The following DAAM1 variants were observed in gnomAD, a reference collection of about 807,000 sequenced individuals.
The protein encoded by DAAM1 is dishevelled associated activator of morphogenesis 1, also known as disheveled-associated activator of morphogenesis 1.
A neutral mutation model predicts 130.0 loss-of-function variants in DAAM1; 52 were observed. The observed-to-expected ratio is 0.40, with a 90% confidence interval of 0.32 to 0.50. The LOEUF (loss-of-function observed/expected upper bound fraction) is 0.50. Among genes scored for constraint, DAAM1 ranks in the 20% least tolerant of loss-of-function variants. DAAM1 has a pLI of 0.61. For missense variants in DAAM1, 1,134 were observed against 1,303.8 expected, an observed-to-expected ratio of 0.87 and a Z score of 2.01; for synonymous variants, 452 against 444.5, an observed-to-expected ratio of 1.02 and a Z score of -0.21.
At chr14:59,302,302 T>C (rs1884203673) in intron 3 of DAAM1, among the ~76,000 whole-genome samples, 1 of 152,266 alleles carries the variant, frequency 6.6e-6, no homozygotes, top group African/African-American at 2.4e-5. Flanking sequence ...TTGTGTTCAC[T>C]TGTAATCCAA....
In DAAM1 at chr14:59,331,965, T is replaced by C. The variant is rs186554337; in HGVS notation, c.1968+45T>C. On this transcript the variant is annotated intron_variant, in intron 15 of 24. Coordinates refer to ENST00000360909, the MANE Select transcript of DAAM1 (RefSeq NM_001270520.2). ...AGACACCAAAAAGGTAGAAAAATCA[T>C]GTCTTATGCATGATCTCTGGCCCAT... is the stretch of plus-strand genomic sequence containing the variant. 79 of 1,521,702 alleles carry C rather than the reference T, an allele frequency of 5.2e-5. No individual in the cohort carries two copies. The African/African-American group carries it at 1.0e-3, about 20-fold the overall frequency. 94.3% of individuals were successfully genotyped at this position (1,521,702 alleles called of 1,614,324 possible). A position where few individuals can be genotyped will look rare whatever the true frequency, so the allele number is the denominator to read the frequency against.
At position 59,328,502 on chromosome 14, in the gene DAAM1, T is replaced by A. The variant is rs1885297651; in HGVS notation, c.1372+1511T>A. ...TTCATTCATTCGTTCATTCAGTGAA[T>A]ACCTGTTGAATGCCTGTATGTGTCA... On this transcript the variant is annotated intron_variant, in intron 12 of 24. Transcript: ENST00000360909. Among the ~76,000 whole-genome samples the A allele has an allele frequency of 2.0e-5, 3 of 152,310 alleles. No individual in the cohort carries two copies. In the South Asian group the frequency reaches 6.2e-4, roughly 32 times the overall value.
At chr14:59,266,691 G>A (rs1386230984) in intron 2 of DAAM1, among the ~76,000 whole-genome samples, 7 of 152,188 alleles carry the variant, frequency 4.6e-5, no homozygotes, top group Non-Finnish European at 1.0e-4. Flanking sequence ...GTAAGGGGTG[G>A]CCTGGCCAAG....
At chr14:59,281,198 G>A (rs1000676446) in intron 2 of DAAM1, among the ~76,000 whole-genome samples, 4 of 152,124 alleles carry the variant, frequency 2.6e-5, no homozygotes, top group African/African-American at 9.7e-5. Flanking sequence ...CTACCAGGAG[G>A]ACATATCAAA....
At chr14:59,225,019 GTTTTTT>G (rs869233694) in intron 1 of DAAM1, among the ~76,000 whole-genome samples, 6 of 90,808 alleles carry the variant, frequency 6.6e-5, no homozygotes, top group South Asian at 4.0e-4. Flanking sequence ...ATCTGTGTGG[GTTTTTT>G]TTTTTTTTTT....
chr14:59,248,632 T>G (rs1010023137), intron 1 of DAAM1, among the ~76,000 whole-genome samples: 1 of 152,180 alleles, frequency 6.6e-6, no homozygotes, highest in African/African-American at 2.4e-5. Flanking sequence ...TCAACACATG[T>G]GCTTTTGTGT....
At chr14:59,206,982 G>A (rs577276691) in intron 1 of DAAM1, among the ~76,000 whole-genome samples, 1 of 152,108 alleles carries the variant, frequency 6.6e-6, no homozygotes, top group East Asian at 1.9e-4. Context: ...TAGATAGTTG[G>A]TGCTAAAGAA....
At chr14:59,243,351 A>G (rs1881214004) in intron 1 of DAAM1, among the ~76,000 whole-genome samples, 1 of 151,994 alleles carries the variant, frequency 6.6e-6, no homozygotes, top group Non-Finnish European at 1.5e-5. Context: ...TGGTGCACAG[A>G]TCCTTTTTAG....
chr14:59,222,529 G>A (rs1399580223), intron 1 of DAAM1, among the ~76,000 whole-genome samples: 1 of 152,178 alleles, frequency 6.6e-6, no homozygotes, highest in Non-Finnish European at 1.5e-5. Flanking sequence ...AGCCAGGTCA[G>A]CCTTGGCGAG....
At chr14:59,348,998 A>G (rs17255666) in intron 17 of DAAM1, among the ~76,000 whole-genome samples, 4,217 of 152,328 alleles carry the variant, frequency 0.028, 69 homozygotes, top group Middle Eastern at 0.061. Flanking sequence ...TTCTCTGTGT[A>G]TGAACGGTTT....
At chr14:59,269,671 A>G (rs563762708) in intron 2 of DAAM1, among the ~76,000 whole-genome samples, 47 of 152,304 alleles carry the variant, frequency 3.1e-4, no homozygotes, top group African/African-American at 1.1e-3. Context: ...ACCTACCCCC[A>G]TGATTGCCTA....
chr14:59,322,115 C>T (rs1350250085), intron 5 of DAAM1, among the ~76,000 whole-genome samples: 1 of 152,074 alleles, frequency 6.6e-6, no homozygotes, highest in Non-Finnish European at 1.5e-5. Context: ...TGTAGATTAT[C>T]ATTTGTTCAA....
chr14:59,324,473 A>T lies in DAAM1; in HGVS notation c.989+19A>T. 2.0e-6 allele frequency: 3 copies of T among 1,502,348 alleles called. No homozygotes were observed. The South Asian group carries it at 4.2e-5, about 21-fold the overall frequency. The allele number at this position is 1,502,348 out of a possible 1,614,324, so 93.1% of individuals were successfully genotyped here. On this transcript the variant is annotated intron_variant, in intron 8 of 24. Transcript: ENST00000360909. ...TAGATAGGTAAGTCAGACTATTATG[A>T]TGTGAGAAAGTTTCTGTGTTTCCCA...
At chr14:59,205,816 C>A (rs532571700) in intron 1 of DAAM1, among the ~76,000 whole-genome samples, 1 of 152,224 alleles carries the variant, frequency 6.6e-6, no homozygotes, top group East Asian at 1.9e-4. Flanking sequence ...GGAAAAGATA[C>A]CCTTGGGATG....
chr14:59,352,446 A>G, intron 17 of DAAM1, 80 bp from the exon 18 acceptor site: 1 of 1,038,778 alleles, frequency 9.6e-7, no homozygotes, highest in Non-Finnish European at 1.4e-6. Flanking sequence ...ATCTTGGGAC[A>G]GATTAACTGA....
chr14:59,232,976 T>G (rs1889159901), intron 1 of DAAM1, among the ~76,000 whole-genome samples: 1 of 152,088 alleles, frequency 6.6e-6, no homozygotes, highest in African/African-American at 2.4e-5. Flanking sequence ...ATGAGCTCAT[T>G]CTTACGGCTG....
Position 59,295,057 on chromosome 14 carries a change from C to T in DAAM1, c.273+3751C>T, listed in dbSNP as rs1194712963. ...AAAAATACTTGTACCCCTTCTTGGG[C>T]TTCAGAGTTTGCCAAGTAAGTAAAT... On this transcript the variant is annotated intron_variant, in intron 3 of 24. Transcript: ENST00000360909. Among the ~76,000 whole-genome samples the T allele has an allele frequency of 2.6e-5, 4 of 152,284 alleles. No homozygotes were observed. The East Asian group carries it at 7.7e-4, about 29-fold the overall frequency.
intron 1 of DAAM1, among the ~76,000 whole-genome samples, chr14:59,244,334 A>G (rs558286802): frequency 1.3e-5 from 2 of 152,034 alleles, no homozygotes; most frequent in Admixed American, 6.5e-5. Context: ...CAAGCAGAAT[A>G]TTCACTCTTG....
intron 1 of DAAM1, among the ~76,000 whole-genome samples, chr14:59,248,327 TG>T (rs1881487878): frequency 1.6e-5 from 1 of 63,948 alleles, no homozygotes; most frequent in Non-Finnish European, 3.0e-5. Context: ...TGTTTTGTTT[TG>T]TTTTGTTTTG....
Sources: gnomAD v4.1 joint callset for allele counts (sites outside exome capture counted in the v4.1 genomes callset) on GRCh38, gnomAD v4.1.1 for gene constraint, MANE v1.5 for transcripts, NCBI Gene and HGNC (gene_info 2026-07-23, HGNC 2026-07-21) for gene names.